Variants in REV3L observed in about 807,000 individuals in gnomAD.
REV3L encodes DNA polymerase zeta catalytic subunit.
In REV3L, 69 loss-of-function variants were observed where a neutral mutation model predicts 299.4. The ratio of observed to expected loss-of-function variants is 0.23; its 90% CI spans 0.19 to 0.28. The LOEUF is 0.28. Among genes scored for constraint, REV3L ranks in the 10% least tolerant of loss-of-function variants. REV3L has a pLI of 1.00. For synonymous variants in REV3L, 1,238 were observed against 1,271.4 expected (o/e 0.97, Z 0.56); for missense variants, 3,128 against 3,693.8 (o/e 0.85, Z 3.97).
At chr6:111,323,014 A>C (rs1424984389) in intron 25 of REV3L, among the ~76,000 whole-genome samples, 2 of 145,652 alleles carry the variant, frequency 1.4e-5, no homozygotes, top group African/African-American at 2.6e-5. Context: ...TTTTTTGAGG[A>C]GTCTCACTCT....
intron 1 of REV3L, among the ~76,000 whole-genome samples, chr6:111,468,255 T>A (rs1048255384): frequency 7.9e-5 from 12 of 152,176 alleles, no homozygotes; most frequent in African/African-American, 2.9e-4. Context: ...CCTAACTTCA[T>A]CTAAATGTGA....
chr6:111,378,069 G>A (rs1287209514), intron 11 of REV3L, among the ~76,000 whole-genome samples: 1 of 152,122 alleles, frequency 6.6e-6, no homozygotes, highest in African/African-American at 2.4e-5. Flanking sequence ...AACTTACAAA[G>A]AGTTATTATA....
intron 1 of REV3L, among the ~76,000 whole-genome samples, chr6:111,439,758 C>T (rs1443492631): frequency 6.6e-6 from 1 of 152,126 alleles, no homozygotes. Flanking sequence ...CCGTTTGACC[C>T]ACTACAGCTT....
intron 4 of REV3L, among the ~76,000 whole-genome samples, chr6:111,402,404 C>T (rs572258386): frequency 1.3e-5 from 2 of 152,336 alleles, no homozygotes; most frequent in East Asian, 3.9e-4. Context: ...TTTCATCTCT[C>T]TCACCCAGCA....
At chr6:111,422,826 T>G (rs1212518939) in intron 1 of REV3L, among the ~76,000 whole-genome samples, 1 of 151,186 alleles carries the variant, frequency 6.6e-6, no homozygotes, top group Non-Finnish European at 1.5e-5. Flanking sequence ...TCCTTTCATT[T>G]TCTCCTTTTA....
chr6:111,301,158 C>T (rs1277274813), intron 31 of REV3L, among the ~76,000 whole-genome samples: 4 of 152,170 alleles, frequency 2.6e-5, no homozygotes, highest in Admixed American at 2.6e-4. Flanking sequence ...CCTGCAGCAC[C>T]CCCAGGCTTG....
Position 111,375,201 on chromosome 6 carries a change from G to A in REV3L, c.3154C>T (p.His1052Tyr). 2 of 1,611,876 alleles carry A rather than the reference G, an allele frequency of 1.2e-6. No individual in the cohort carries two copies. Among genetic ancestry groups the A allele is most frequent in the Non-Finnish European group, 1.7e-6 (2 of 1,179,524 alleles). Residue 1052 changes from histidine to tyrosine, a missense_variant, in exon 13 of 32, where the codon CAT (histidine) becomes TAT (tyrosine). His to Tyr is a moderately conservative substitution (Grantham distance 83, BLOSUM62 2). This residue lies in a region of REV3L where 2,409 missense variants were observed against 2,611.8 expected (regional missense o/e 0.92). Coordinates refer to ENST00000368802, the MANE Select transcript of REV3L (RefSeq NM_001372078.1). Reference sequence around the variant, plus strand: ...CCAGTTTTTTTCTTAGCAGATTTATGTTTTGACTTTCTTCTGTGACTTTTC... The same window carrying A: ...CCAGTTTTTTTCTTAGCAGATTTATATTTTGACTTTCTTCTGTGACTTTTC... ...PKKSHRRKSK[H>Y]KSAKKKTGKQ... is the part of the protein sequence containing the mutation.
intron 1 of REV3L, among the ~76,000 whole-genome samples, chr6:111,471,303 T>C (rs1792176315): frequency 6.6e-6 from 1 of 152,116 alleles, no homozygotes; most frequent in Non-Finnish European, 1.5e-5. Context: ...TCTTTTCAGG[T>C]CCTGATGGAC....
intron 2 of REV3L, among the ~76,000 whole-genome samples, chr6:111,415,011 C>G (rs969736903): frequency 6.6e-6 from 1 of 152,168 alleles, no homozygotes; most frequent in Non-Finnish European, 1.5e-5. Context: ...CGTCCCCCTA[C>G]AATCTATTAT....
intron 25 of REV3L, 58 bp from the exon 26 acceptor site, chr6:111,322,736 G>T: frequency 8.5e-7 from 1 of 1,174,530 alleles, no homozygotes; most frequent in South Asian, 1.3e-5. Context: ...TAAGTTAACA[G>T]ACTTTAACAT....
intron 4 of REV3L, among the ~76,000 whole-genome samples, chr6:111,401,210 T>C (rs1304580565): frequency 2.6e-5 from 4 of 152,200 alleles, no homozygotes. Flanking sequence ...ACCTCAACTT[T>C]TGGAAGTCTC....
At chr6:111,340,156 C>A (rs899103599) in intron 21 of REV3L, among the ~76,000 whole-genome samples, 3 of 152,100 alleles carry the variant, frequency 2.0e-5, no homozygotes, top group Non-Finnish European at 4.4e-5. Flanking sequence ...TGAAGTTTTT[C>A]TGTGGACTGG....
chr6:111,442,917 T>C (rs1788435569), intron 1 of REV3L, among the ~76,000 whole-genome samples: 1 of 152,142 alleles, frequency 6.6e-6, no homozygotes, highest in Non-Finnish European at 1.5e-5. Context: ...GTGTGTGTCC[T>C]GTTTAGGATC....
At chr6:111,469,453 G>A (rs1583110546) in intron 1 of REV3L, among the ~76,000 whole-genome samples, 1 of 152,290 alleles carries the variant, frequency 6.6e-6, no homozygotes, top group East Asian at 1.9e-4. Context: ...CCTGAAAAAT[G>A]AGTTAGCCAG....
intron 9 of REV3L, among the ~76,000 whole-genome samples, chr6:111,384,892 T>C: frequency 6.6e-6 from 1 of 152,188 alleles, no homozygotes; most frequent in East Asian, 1.9e-4. Context: ...ATGTGGTACA[T>C]TTACATAATG....
intron 4 of REV3L, among the ~76,000 whole-genome samples, chr6:111,394,418 C>T (rs920523008): frequency 1.8e-4 from 27 of 152,114 alleles, no homozygotes; most frequent in Non-Finnish European, 3.8e-4. Context: ...ATATACCTGC[C>T]GGCCATTTGT....
rs1312894608 is a variant in REV3L at position 111,299,980 on chromosome 6, A to C, written c.*36T>G. 6 of 1,590,592 alleles carry C rather than the reference A, an allele frequency of 3.8e-6. No homozygotes were observed. Among genetic ancestry groups the C allele is most frequent in the Non-Finnish European group, 2.6e-6 (3 of 1,169,570 alleles). On this transcript the variant is annotated 3_prime_UTR_variant, in exon 32 of 32. Coordinates refer to ENST00000368802, the MANE Select transcript of REV3L (RefSeq NM_001372078.1). ...ACAACAGTTTAGTGGTAAGCACTGAAAAAAATAGCACCTGTAATACTGTGA... is the reference window on the plus strand; with the variant it reads ...ACAACAGTTTAGTGGTAAGCACTGACAAAAATAGCACCTGTAATACTGTGA...
intron 1 of REV3L, among the ~76,000 whole-genome samples, chr6:111,429,745 C>G (rs933644793): frequency 6.6e-5 from 10 of 152,300 alleles, no homozygotes; most frequent in African/African-American, 2.4e-4. Flanking sequence ...CTCGGCTCGC[C>G]TGGCCCAGAC....
intron 31 of REV3L, among the ~76,000 whole-genome samples, chr6:111,301,330 T>G (rs188473715): frequency 6.6e-6 from 1 of 152,182 alleles, no homozygotes; most frequent in South Asian, 2.1e-4. Flanking sequence ...GATCTCACTC[T>G]GCCTCTTTGC....
Sources: gnomAD v4.1 joint callset for allele counts (sites outside exome capture counted in the v4.1 genomes callset) on GRCh38, gnomAD v4.1.1 for gene constraint, gnomAD v4.1.1 regional missense constraint, MANE v1.5 for transcripts, NCBI Gene and HGNC (gene_info 2026-07-23, HGNC 2026-07-21) for gene names.